The following WASHC5 variants were observed in gnomAD, a reference collection of about 807,000 sequenced individuals.
The protein encoded by WASHC5 is WASH complex subunit 5.
In WASHC5, 101 loss-of-function variants were observed where a neutral mutation model predicts 150.4. The ratio of observed to expected loss-of-function variants is 0.67; its 90% CI spans 0.57 to 0.79. The LOEUF (loss-of-function observed/expected upper bound fraction) is 0.79. Among genes scored for constraint, WASHC5 ranks in the 30% least tolerant of loss-of-function variants. The pLI is 0.00. For missense variants in WASHC5, 1,195 were observed against 1,396.3 expected, an observed-to-expected ratio of 0.86 and a Z score of 2.30; for synonymous variants, 467 against 491.2, an observed-to-expected ratio of 0.95 and a Z score of 0.65.
chr8:125,070,027 G>C (rs1816854876), intron 9 of WASHC5, among the ~76,000 whole-genome samples: 1 of 152,172 alleles, frequency 6.6e-6, no homozygotes, highest in Non-Finnish European at 1.5e-5. Flanking sequence ...CCCAGGGCCT[G>C]ACCATCTCTC....
chr8:125,027,504 G>C (rs970693178), intron 28 of WASHC5, among the ~76,000 whole-genome samples: 1 of 152,210 alleles, frequency 6.6e-6, no homozygotes, highest in African/African-American at 2.4e-5. Flanking sequence ...TCTTACAAGT[G>C]AAGTAACTCA....
intron 20 of WASHC5, 100 bp from the exon 21 acceptor site, chr8:125,044,798 A>G: frequency 8.4e-7 from 1 of 1,183,436 alleles, no homozygotes. Context: ...TATGAAGAAC[A>G]GGAGTTACAT....
intron 23 of WASHC5, among the ~76,000 whole-genome samples, chr8:125,041,384 A>C (rs1250705078): frequency 6.6e-6 from 1 of 152,202 alleles, no homozygotes; most frequent in Non-Finnish European, 1.5e-5. Context: ...TCACGCCTGC[A>C]ATCCCAGCAC....
At chr8:125,030,992 T>C (rs891507955) in intron 27 of WASHC5, among the ~76,000 whole-genome samples, 2 of 152,092 alleles carry the variant, frequency 1.3e-5, no homozygotes, top group African/African-American at 4.8e-5. Flanking sequence ...TTTCAAAAGG[T>C]AGGAAAAAGC....
intron 1 of WASHC5, among the ~76,000 whole-genome samples, chr8:125,084,289 G>A (rs1487112829): frequency 6.6e-6 from 1 of 152,196 alleles, no homozygotes; most frequent in Non-Finnish European, 1.5e-5. Flanking sequence ...GTGCTAGGGA[G>A]AAGGAACCAC....
rs569607172 is a variant in WASHC5 at position 125,031,823 on chromosome 8, A to G, written c.3335+418T>C. Among the ~76,000 whole-genome samples the G allele has an allele frequency of 2.0e-4, 31 of 152,316 alleles. No homozygotes were observed. In the South Asian group the frequency reaches 6.0e-3, roughly 30 times the overall value. ...GAAATTTGCTTCTCTACATGCAGAC[A>G]CTGCCCAGGCTTTGACACACTGATA... is the stretch of plus-strand genomic sequence containing the variant. On this transcript the variant is annotated intron_variant, in intron 27 of 28. Coordinates refer to ENST00000318410, the MANE Select transcript of WASHC5 (RefSeq NM_014846.4).
intron 28 of WASHC5, among the ~76,000 whole-genome samples, chr8:125,026,770 A>G (rs906348911): frequency 6.6e-6 from 1 of 152,168 alleles, no homozygotes; most frequent in Non-Finnish European, 1.5e-5. Flanking sequence ...GTTGCATACC[A>G]GTAGCACCCT....
rs3736666 is a variant in WASHC5, at chr8:125,074,787, G to A, written c.978+211C>T. On this transcript the variant is annotated intron_variant, in intron 8 of 28. Coordinates refer to ENST00000318410, the MANE Select transcript of WASHC5 (RefSeq NM_014846.4). ...TGTCTTAGGGTACTGACTCTTCCTT[G>A]GGATCCTAATCTTCAATTTACATAT... 0.11 allele frequency among the ~76,000 whole-genome samples: 16,784 copies of A among 152,058 alleles called. 2,165 individuals are homozygous for A. Among genetic ancestry groups the A allele is most frequent in the African/African-American group, 0.31 (12,825 of 41,454 alleles).
At chr8:125,056,186 G>C (rs149414397) in intron 16 of WASHC5, among the ~76,000 whole-genome samples, 206 of 152,250 alleles carry the variant, frequency 1.4e-3, no homozygotes, top group Non-Finnish European at 2.5e-3. Context: ...ATCTTCACTT[G>C]ATTTTACTTT....
In WASHC5 at chr8:125,076,378, C is replaced by A; in HGVS notation, c.834G>T (p.Glu278Asp). ...ILHTHQAKMR[E>D]IVDKYFPDNW... ...TATCTGGAAAGTATTTATCCACTAT[C>A]TCTCTCATTTTTGCTTGATGGGTGT... is the stretch of plus-strand genomic sequence containing the variant. The change falls in exon 7 of 29, where the codon GAG becomes GAT. Residue 278 changes from glutamate (E) to aspartate (D), a missense_variant. Transcript: ENST00000318410. 6.2e-7 allele frequency: 1 copy of A among 1,613,974 alleles called. No homozygotes were observed. The highest frequency in any genetic ancestry group is 8.5e-7 in the Non-Finnish European group (1 of 1,179,924).
At chr8:125,067,569 G>A (rs1816781476) in intron 10 of WASHC5, 23 bp downstream of exon 10, 3 of 1,586,278 alleles carry the variant, frequency 1.9e-6, no homozygotes, top group Non-Finnish European at 2.6e-6. Context: ...AGACTGTGGT[G>A]ATATTCATTC....
intron 10 of WASHC5, among the ~76,000 whole-genome samples, chr8:125,065,498 T>C (rs916966006): frequency 1.4e-4 from 22 of 152,284 alleles, no homozygotes; most frequent in South Asian, 2.1e-4. Flanking sequence ...GTCAGTCAGA[T>C]AGCCTAGGTC....
At chr8:125,047,386 T>G (rs1056291700) in intron 19 of WASHC5, 55 bp from the exon 20 acceptor site, 1 of 1,540,648 alleles carries the variant, frequency 6.5e-7, no homozygotes, top group Non-Finnish European at 9.0e-7. Context: ...AACCTAGTTA[T>G]CCCTTTTCCA....
At chr8:125,075,817 T>C (rs1817044158) in intron 7 of WASHC5, among the ~76,000 whole-genome samples, 1 of 152,250 alleles carries the variant, frequency 6.6e-6, no homozygotes, top group Non-Finnish European at 1.5e-5. Context: ...TTTTCATATA[T>C]TTCATTTCAT....
At position 125,063,571 on chromosome 8, in the gene WASHC5, A is replaced by C; in HGVS notation, c.1359T>G (p.Leu453=). The C allele has an allele frequency of 6.2e-7, 1 of 1,613,962 alleles. No individual in the cohort carries two copies. Among genetic ancestry groups the C allele is most frequent in the Non-Finnish European group, 8.5e-7 (1 of 1,179,878 alleles). Reference sequence around the variant, plus strand: ...GTTTCACTCCTGAAAAGACATCAGCAAGCTCAGTCATCCGCTCCGAACCCT... The same window carrying C: ...GTTTCACTCCTGAAAAGACATCAGCCAGCTCAGTCATCCGCTCCGAACCCT... ...KKEGSERMTE[L]ADVFSGVKPL... The change falls in exon 11 of 29, where the codon CTT becomes CTG. Residue 453 remains leucine, a synonymous_variant. Coordinates refer to ENST00000318410, the MANE Select transcript of WASHC5 (RefSeq NM_014846.4).
In WASHC5 at chr8:125,082,475, T is replaced by C; in HGVS notation, c.333-8A>G. On this transcript the variant is annotated splice_region_variant and splice_polypyrimidine_tract_variant and intron_variant, in intron 3 of 28. Transcript: ENST00000318410. ...TTGAGATCATCTAGATATCTAGAAA[T>C]AAAACCACAGTGCAAGTTATTAATT... 7.1e-7 allele frequency: 1 copy of C among 1,404,696 alleles called. No individual in the cohort carries two copies. The highest frequency in any genetic ancestry group is 1.0e-6 in the Non-Finnish European group (1 of 989,988). 87.0% of individuals were successfully genotyped at this position (1,404,696 alleles called of 1,614,324 possible).
rs141692950 is a variant in WASHC5, at chr8:125,049,597, G to A, written c.2200-412C>T. On this transcript the variant is annotated intron_variant, in intron 18 of 28. Coordinates refer to ENST00000318410, the MANE Select transcript of WASHC5 (RefSeq NM_014846.4). ...AAGCCAGGCTCATGCCTGTAATCTC[G>A]GCACTCTGGGAGGCTGAGATGGGTG... 2.9e-3 allele frequency among the ~76,000 whole-genome samples: 417 copies of A among 143,036 alleles called. 2 individuals carry two copies. Among genetic ancestry groups the A allele is most frequent in the African/African-American group, 0.011 (403 of 38,348 alleles). The allele number at this position is 143,036 out of a possible 152,430, so 93.8% of individuals were successfully genotyped here.
chr8:125,084,630 T>G (rs1476801236), intron 1 of WASHC5, among the ~76,000 whole-genome samples: 2 of 152,244 alleles, frequency 1.3e-5, no homozygotes, highest in Non-Finnish European at 2.9e-5. Context: ...TTGCTTCTCT[T>G]GTATTCCAAT....
chr8:125,054,581 C>T (rs538632860), intron 17 of WASHC5, among the ~76,000 whole-genome samples: 13 of 152,142 alleles, frequency 8.5e-5, no homozygotes, highest in Non-Finnish European at 1.9e-4. Context: ...TGCCTGTAAT[C>T]CCAGCACTTT....
Sources: allele counts gnomAD v4.1 joint callset (sites outside exome capture counted in the v4.1 genomes callset), GRCh38; gene constraint gnomAD v4.1.1; transcripts MANE v1.5; gene names NCBI Gene and HGNC (gene_info 2026-07-23, HGNC 2026-07-21).